The following OSBPL5 variants were observed in gnomAD, a reference collection of about 807,000 sequenced individuals.
OSBPL5 encodes the protein oxysterol binding protein like 5, also known as oxysterol-binding protein-related protein 5.
Under a neutral mutation model 111.2 loss-of-function variants are expected in OSBPL5, and 71 were observed. The ratio of observed to expected loss-of-function variants is 0.64; its 90% CI spans 0.53 to 0.78. OSBPL5 has a LOEUF of 0.78. Among genes scored for constraint, OSBPL5 ranks in the 30% least tolerant of loss-of-function variants. The pLI is 0.00. For synonymous variants in OSBPL5, 549 were observed against 513.9 expected, an observed-to-expected ratio of 1.07 and a Z score of -0.93; for missense variants, 1,210 against 1,189.3, an observed-to-expected ratio of 1.02 and a Z score of -0.26.
chr11:3,139,811 G>A (rs1217284302), intron 1 of OSBPL5, among the ~76,000 whole-genome samples: 1 of 152,232 alleles, frequency 6.6e-6, no homozygotes, highest in Non-Finnish European at 1.5e-5. Context: ...TTCCCTGCTG[G>A]AGTCCCCGAG....
intron 1 of OSBPL5, among the ~76,000 whole-genome samples, chr11:3,148,880 G>A (rs1283338756): frequency 4.6e-5 from 7 of 152,194 alleles, no homozygotes; most frequent in Non-Finnish European, 8.8e-5. Context: ...GATAAAAGAG[G>A]TTATTAAGAT....
intron 1 of OSBPL5, among the ~76,000 whole-genome samples, chr11:3,131,561 AT>A (rs1456756551): frequency 9.2e-6 from 1 of 108,660 alleles, no homozygotes; most frequent in Non-Finnish European, 1.9e-5. Flanking sequence ...CCACCCATTC[AT>A]TCATCCATCC....
chr11:3,111,986 TGTGTGTGC>T (rs1857965588), intron 7 of OSBPL5, among the ~76,000 whole-genome samples: 3 of 121,824 alleles, frequency 2.5e-5, no homozygotes, highest in Non-Finnish European at 5.5e-5. Flanking sequence ...TGTGCGCGCA[TGTGTGTGC>T]ATGTGTGTGT....
chr11:3,115,844 C>T (rs1215004938), intron 7 of OSBPL5, among the ~76,000 whole-genome samples: 1 of 149,252 alleles, frequency 6.7e-6, no homozygotes. Context: ...AAAACTAAGT[C>T]TCCTGTCTCA....
intron 1 of OSBPL5, among the ~76,000 whole-genome samples, chr11:3,144,602 C>T (rs1175736474): frequency 6.6e-6 from 1 of 152,248 alleles, no homozygotes; most frequent in Non-Finnish European, 1.5e-5. Flanking sequence ...ATTCCACCAC[C>T]TGTGACTGGC....
chr11:3,159,884 C>T (rs577607590), intron 1 of OSBPL5, among the ~76,000 whole-genome samples: 69 of 152,290 alleles, frequency 4.5e-4, no homozygotes, highest in Middle Eastern at 6.8e-3. Flanking sequence ...ACTTTACAGA[C>T]GGGGTAACCA....
chr11:3,156,690 A>C (rs1846769320), intron 1 of OSBPL5, among the ~76,000 whole-genome samples: 1 of 152,218 alleles, frequency 6.6e-6, no homozygotes, highest in Non-Finnish European at 1.5e-5. Context: ...GATCTTTCAC[A>C]ATCATTCATT....
rs190770020 is a variant in OSBPL5, at chr11:3,154,473, G to A, written c.-22+10743C>T. ...CGGGGGGCCTCTACAGCTCGCCCAG[G>A]TTCCAGCTGAGCCAGGCCTCTTGGG... On this transcript the variant is annotated intron_variant, in intron 1 of 21. Transcript: ENST00000263650. This position sits in a 1 kb window ranked among gnomAD's most constrained non-coding sequence, Gnocchi z 4.9. Among the ~76,000 whole-genome samples, 24 of 152,346 alleles carry A rather than the reference G, an allele frequency of 1.6e-4. No individual in the cohort carries two copies. Among genetic ancestry groups the A allele is most frequent in the Non-Finnish European group, 1.5e-5 (1 of 68,024 alleles).
Position 3,161,945 on chromosome 11 carries a change from G to C in OSBPL5, c.-22+3271C>G, listed in dbSNP as rs1452693436. On this transcript the variant is annotated intron_variant, in intron 1 of 21. Transcript: ENST00000263650. The surrounding 1 kb of genome is among the most constrained non-coding windows in gnomAD (Gnocchi z 8.0). ...CCTGGAGTAAGAAGCCGGGGCTGAC[G>C]CCAGACCCCTGTGAGCAAGGAGGGG... 6.6e-6 allele frequency among the ~76,000 whole-genome samples: 1 copy of C among 151,240 alleles called. No individual in the cohort carries two copies. The highest frequency in any genetic ancestry group is 2.1e-4 in the South Asian group (1 of 4,742).
intron 1 of OSBPL5, among the ~76,000 whole-genome samples, chr11:3,137,308 T>C (rs1845976660): frequency 6.6e-6 from 1 of 152,180 alleles, no homozygotes; most frequent in Admixed American, 6.5e-5. Context: ...AGCAGCAGCC[T>C]CTTCAGAGAG....
Position 3,109,569 on chromosome 11 carries a change from T to TA in OSBPL5, c.692-1625dup, listed in dbSNP as rs1034199060. Among the ~76,000 whole-genome samples, 1 of 152,142 alleles carries TA rather than the reference T, an allele frequency of 6.6e-6. No individual in the cohort carries two copies. Among genetic ancestry groups the TA allele is most frequent in the African/African-American group, 2.4e-5 (1 of 41,422 alleles). On this transcript the variant is annotated intron_variant, in intron 7 of 21. Coordinates refer to ENST00000263650, the MANE Select transcript of OSBPL5 (RefSeq NM_020896.4). This position sits in a 1 kb window ranked among gnomAD's most constrained non-coding sequence, Gnocchi z 7.4. ...TCGTGGGGCATCTCAGGGTCCAGTG[T>TA]AGGGAGGGGCCTGCCTAGACAGTGG...
intron 19 of OSBPL5, among the ~76,000 whole-genome samples, chr11:3,091,110 C>A (rs1857041052): frequency 6.6e-6 from 1 of 152,202 alleles, no homozygotes. Flanking sequence ...CATAGGAACC[C>A]CAGATGGCTA....
chr11:3,156,185 C>T (rs1564869149), intron 1 of OSBPL5, among the ~76,000 whole-genome samples: 1 of 152,190 alleles, frequency 6.6e-6, no homozygotes, highest in South Asian at 2.1e-4. Context: ...CCAGGTCAGT[C>T]CCCCGGGAGA....
At chr11:3,120,372 C>G in intron 6 of OSBPL5, 49 bp downstream of exon 6, 1 of 1,570,166 alleles carries the variant, frequency 6.4e-7, no homozygotes, top group Non-Finnish European at 8.6e-7. Context: ...AGGAATGAGC[C>G]CCTTGGCCCT....
chr11:3,163,898 G>A (rs916696068), intron 1 of OSBPL5: 2 of 152,358 alleles, frequency 1.3e-5, no homozygotes, highest in Non-Finnish European at 2.9e-5. Flanking sequence ...GCCACCCCAG[G>A]TTGCCACAAA....
In OSBPL5 at chr11:3,107,788, T is replaced by C; in HGVS notation, c.849A>G (p.Pro283=). 4 of 1,612,488 alleles carry C rather than the reference T, an allele frequency of 2.5e-6. No homozygotes were observed. Among genetic ancestry groups the C allele is most frequent in the Non-Finnish European group, 3.4e-6 (4 of 1,179,954 alleles). The change falls in exon 8 of 22, where the codon CCA becomes CCG. Residue 283 remains proline (P), a synonymous_variant. Coordinates refer to ENST00000263650, the MANE Select transcript of OSBPL5 (RefSeq NM_020896.4). This position sits in a 1 kb window ranked among gnomAD's most constrained non-coding sequence, Gnocchi z 6.1. ...CCACTCACGGGAACAGGTCTTGGTC[T>C]GGGTGGACGGTGGCTGAGGCTGGCA... The part of the protein sequence containing the change: ...CGLPASATVH[P]DQDLFPLNGS...
intron 14 of OSBPL5, among the ~76,000 whole-genome samples, chr11:3,098,539 C>G (rs1039166817): frequency 1.1e-4 from 11 of 102,332 alleles, no homozygotes; most frequent in Non-Finnish European, 1.8e-4. Context: ...GAGTTTCGCT[C>G]TTGTTGCCCA....
In OSBPL5 at chr11:3,104,455, C is replaced by T; in HGVS notation, c.1060-78G>A. ...GGTGGCGGGACAGTGGCAGCTCTGG[C>T]TGGAGGAGGCTGTACCTGCCACCCC... On this transcript the variant is annotated intron_variant, in intron 9 of 21. Coordinates refer to ENST00000263650, the MANE Select transcript of OSBPL5 (RefSeq NM_020896.4). This position sits in a 1 kb window ranked among gnomAD's most constrained non-coding sequence, Gnocchi z 5.0. 6.6e-7 allele frequency: 1 copy of T among 1,505,436 alleles called. No individual in the cohort carries two copies. Among genetic ancestry groups the T allele is most frequent in the Non-Finnish European group, 8.9e-7 (1 of 1,119,414 alleles). 93.3% of individuals were successfully genotyped at this position (1,505,436 alleles called of 1,614,324 possible). A position where few individuals can be genotyped will look rare whatever the true frequency, so the allele number is the denominator to read the frequency against.
At position 3,104,924 on chromosome 11, in the gene OSBPL5, G is replaced by C. The variant is rs144388290; in HGVS notation, c.1060-547C>G. On this transcript the variant is annotated intron_variant, in intron 9 of 21. Coordinates refer to ENST00000263650, the MANE Select transcript of OSBPL5 (RefSeq NM_020896.4). This position sits in a 1 kb window ranked among gnomAD's most constrained non-coding sequence, Gnocchi z 5.0. ...ACTGGGTGAGTTTGGAGGTGAGCCT[G>C]CTCCTGCAAAACCGACACGGGCATG... 1.2e-3 allele frequency among the ~76,000 whole-genome samples: 177 copies of C among 152,336 alleles called. No individual in the cohort carries two copies. Among genetic ancestry groups the C allele is most frequent in the African/African-American group, 4.1e-3 (172 of 41,574 alleles).
Sources: allele counts gnomAD v4.1 joint callset (sites outside exome capture counted in the v4.1 genomes callset), GRCh38; gene constraint gnomAD v4.1.1; non-coding constraint Gnocchi (gnomAD v3.1); transcripts MANE v1.5; gene names NCBI Gene and HGNC (gene_info 2026-07-23, HGNC 2026-07-21).